Variants in ADAMTSL3 observed in about 807,000 individuals in gnomAD.
The protein encoded by ADAMTSL3 is ADAMTS like 3.
Under a neutral mutation model 201.7 loss-of-function variants are expected in ADAMTSL3, and 128 were observed. The ratio of observed to expected loss-of-function variants is 0.63; its 90% confidence interval spans 0.55 to 0.73. The LOEUF (loss-of-function observed/expected upper bound fraction) is 0.73, where lower values mean the gene tolerates loss of function less well. Among genes scored for constraint, ADAMTSL3 ranks in the 30% least tolerant of loss-of-function variants. ADAMTSL3 has a pLI of 0.00. For synonymous variants in ADAMTSL3, 738 were observed against 748.4 expected, an observed-to-expected ratio of 0.99 and a Z score of 0.23; for missense variants, 1,990 against 2,119.6, an observed-to-expected ratio of 0.94 and a Z score of 1.20.
chr15:83,683,948 T>C (rs2061507252), intron 2 of ADAMTSL3, among the ~76,000 whole-genome samples: 1 of 152,248 alleles, frequency 6.6e-6, no homozygotes, highest in Admixed American at 6.5e-5. Flanking sequence ...CATTCTGCTT[T>C]TAGTAAAAAC....
chr15:83,664,333 G>A lies in ADAMTSL3; in HGVS notation c.69+8503G>A, dbSNP rs114230188. On this transcript the variant is annotated intron_variant, in intron 2 of 29. Transcript: ENST00000286744. ...GGAAGAGGCTCAGCACCTCAGAGGG[G>A]CTTCTGTTTGCCTCTTCAATGAGCT... is the stretch of plus-strand genomic sequence containing the variant. Among the ~76,000 whole-genome samples, 577 of 151,938 alleles carry A rather than the reference G, an allele frequency of 3.8e-3. 2 individuals carry two copies. Among genetic ancestry groups the A allele is most frequent in the African/African-American group, 0.013 (547 of 41,446 alleles).
intron 17 of ADAMTSL3, among the ~76,000 whole-genome samples, chr15:83,942,361 C>G (rs757176353): frequency 6.6e-6 from 1 of 152,180 alleles, no homozygotes; most frequent in Non-Finnish European, 1.5e-5. Flanking sequence ...GCTTTTTACT[C>G]TGGACTTTCC....
chr15:83,810,698 T>G (rs2063679804), intron 5 of ADAMTSL3, among the ~76,000 whole-genome samples: 1 of 152,190 alleles, frequency 6.6e-6, no homozygotes, highest in Admixed American at 6.5e-5. Flanking sequence ...TCTTCAGTCT[T>G]CAAAGCCAGC....
rs575061010 is a variant in ADAMTSL3, at chr15:83,713,385, C to T, written c.189+8877C>T. Among the ~76,000 whole-genome samples the T allele has an allele frequency of 4.2e-4, 64 of 152,260 alleles. 2 individuals carry two copies. Among genetic ancestry groups the T allele is most frequent in the Admixed American group, 3.7e-3 (56 of 15,304 alleles). Reference sequence around the variant, plus strand: ...AGATTTCTGTTCTGTTGTGGCCTGTCCTCCTCAGGCATAGTGAAGGGAGTA... The same window carrying T: ...AGATTTCTGTTCTGTTGTGGCCTGTTCTCCTCAGGCATAGTGAAGGGAGTA... On this transcript the variant is annotated intron_variant, in intron 3 of 29. Transcript: ENST00000286744.
intron 8 of ADAMTSL3, among the ~76,000 whole-genome samples, chr15:83,866,430 TA>T (rs2064978108): frequency 6.6e-6 from 1 of 152,058 alleles, no homozygotes; most frequent in Non-Finnish European, 1.5e-5. Flanking sequence ...TATGCAGCCA[TA>T]AAAAAGGATG....
intron 28 of ADAMTSL3, among the ~76,000 whole-genome samples, chr15:84,034,157 A>T (rs1279118165): frequency 1.3e-5 from 2 of 152,028 alleles, no homozygotes; most frequent in Non-Finnish European, 2.9e-5. Flanking sequence ...TAGTATAGAG[A>T]GCTGTCGAGG....
intron 13 of ADAMTSL3, among the ~76,000 whole-genome samples, chr15:83,897,024 A>G (rs1469341015): frequency 6.6e-6 from 1 of 152,160 alleles, no homozygotes; most frequent in Non-Finnish European, 1.5e-5. Flanking sequence ...TGCCCCCATG[A>G]TCCAATCACC....
At chr15:83,804,833 A>G in intron 5 of ADAMTSL3, 138 bp downstream of exon 5, 1 of 564,250 alleles carries the variant, frequency 1.8e-6, no homozygotes, top group Non-Finnish European at 2.9e-6. Context: ...AATTGACAAC[A>G]GATTTTGTAT....
chr15:83,880,709 AAC>A (rs1396538449), intron 9 of ADAMTSL3, among the ~76,000 whole-genome samples: 2 of 152,180 alleles, frequency 1.3e-5, no homozygotes, highest in African/African-American at 4.8e-5. Flanking sequence ...TTCTCTGAAA[AAC>A]AGAGCCCGAG....
chr15:83,883,905 T>A (rs1353437081), intron 9 of ADAMTSL3, among the ~76,000 whole-genome samples: 2 of 150,576 alleles, frequency 1.3e-5, no homozygotes, highest in Non-Finnish European at 3.0e-5. Context: ...TTACTTTTTT[T>A]TTTTTAGATG....
Position 83,886,829 on chromosome 15 carries a change from C to G in ADAMTSL3, c.1072+1617C>G, listed in dbSNP as rs933220748. Among the ~76,000 whole-genome samples the G allele has an allele frequency of 3.9e-5, 6 of 152,282 alleles. 1 individual carries two copies. In the South Asian group the frequency reaches 1.2e-3, roughly 32 times the overall value. ...TCTCTCTTCTGGAATTTAGGCTCCCCCTAAAACAACAGGGCAGGCACTTTT... is the reference window on the plus strand; with the variant it reads ...TCTCTCTTCTGGAATTTAGGCTCCCGCTAAAACAACAGGGCAGGCACTTTT... On this transcript the variant is annotated intron_variant, in intron 10 of 29. Coordinates refer to ENST00000286744, the MANE Select transcript of ADAMTSL3 (RefSeq NM_207517.3).
chr15:83,899,930 A>T (rs1743944566), intron 15 of ADAMTSL3, among the ~76,000 whole-genome samples, 199 bp downstream of exon 15: 1 of 152,198 alleles, frequency 6.6e-6, no homozygotes, highest in African/African-American at 2.4e-5. Context: ...TTCTCTGAGC[A>T]GCACAGAAAA....
intron 2 of ADAMTSL3, among the ~76,000 whole-genome samples, chr15:83,688,753 T>C (rs55984245): frequency 0.41 from 59,880 of 147,476 alleles, 12,384 homozygotes; most frequent in South Asian, 0.66. Context: ...CATGCATATA[T>C]ATACACACAC....
chr15:83,849,514 A>G (rs991385826), intron 7 of ADAMTSL3, among the ~76,000 whole-genome samples: 28 of 152,204 alleles, frequency 1.8e-4, no homozygotes, highest in African/African-American at 6.0e-4. Flanking sequence ...CTGCTTGGCA[A>G]TGCCATCTGC....
chr15:83,867,849 A>G (rs569748328), intron 8 of ADAMTSL3, among the ~76,000 whole-genome samples: 1 of 152,292 alleles, frequency 6.6e-6, no homozygotes, highest in East Asian at 1.9e-4. Context: ...TCCTTCAACT[A>G]GAAGCAATTA....
chr15:83,847,006 T>G (rs1283146166), intron 7 of ADAMTSL3, among the ~76,000 whole-genome samples: 2 of 152,198 alleles, frequency 1.3e-5, no homozygotes, highest in Non-Finnish European at 2.9e-5. Context: ...TACCATGGTC[T>G]TTTGAGGTAA....
intron 3 of ADAMTSL3, among the ~76,000 whole-genome samples, chr15:83,720,970 A>G (rs1320183971): frequency 1.3e-5 from 2 of 152,206 alleles, no homozygotes; most frequent in Non-Finnish European, 2.9e-5. Flanking sequence ...AAAATATTTC[A>G]TTAAACTTGC....
intron 3 of ADAMTSL3, among the ~76,000 whole-genome samples, chr15:83,765,978 G>C (rs1280173876): frequency 6.6e-6 from 1 of 152,164 alleles, no homozygotes; most frequent in African/African-American, 2.4e-5. Flanking sequence ...AAAAGTGTTT[G>C]TAATTCCATC....
intron 3 of ADAMTSL3, among the ~76,000 whole-genome samples, chr15:83,767,110 G>T (rs1235851348): frequency 6.6e-6 from 1 of 152,046 alleles, no homozygotes; most frequent in Non-Finnish European, 1.5e-5. Context: ...AAAAATAAAA[G>T]AAATTATCGA....
Sources: gnomAD v4.1 joint callset for allele counts (sites outside exome capture counted in the v4.1 genomes callset) on GRCh38, gnomAD v4.1.1 for gene constraint, MANE v1.5 for transcripts, NCBI Gene and HGNC (gene_info 2026-07-23, HGNC 2026-07-21) for gene names.